The following UBE2L3 variants were observed in gnomAD, a reference collection of about 807,000 sequenced individuals.
UBE2L3 encodes the protein ubiquitin-conjugating enzyme E2 L3.
Under a neutral mutation model 17.8 loss-of-function variants are expected in UBE2L3, and 1 was observed. The observed-to-expected ratio is 0.06, with a 90% confidence interval of 0.02 to 0.27. The LOEUF is 0.27. Ranked by LOEUF, UBE2L3 falls within the 10% of genes least tolerant of loss-of-function variation. UBE2L3 has a pLI of 1.00. For missense variants in UBE2L3, 40 were observed against 192.6 expected, an observed-to-expected ratio of 0.21 and a Z score of 4.69; for synonymous variants, 44 against 68.5, an observed-to-expected ratio of 0.64 and a Z score of 1.76.
upstream of UBE2L3, among the ~76,000 whole-genome samples, chr22:21,563,103 A>G (rs972327935): frequency 1.3e-5 from 2 of 151,600 alleles, no homozygotes; most frequent in Non-Finnish European, 2.9e-5. Context: ...TTAGCTGGGC[A>G]TAGAGGTGTG....
upstream of UBE2L3, among the ~76,000 whole-genome samples, chr22:21,563,173 C>T (rs190892488): frequency 5.9e-3 from 866 of 146,428 alleles, 17 homozygotes; most frequent in Non-Finnish European, 5.3e-3. Context: ...ACCCAGGAGG[C>T]GGAGGTTGCA....
At chr22:21,603,075 CTT>C (rs915256680) in intron 2 of UBE2L3, among the ~76,000 whole-genome samples, 7 of 152,186 alleles carry the variant, frequency 4.6e-5, no homozygotes, top group African/African-American at 1.4e-4. Context: ...ACTTGAGAAA[CTT>C]TGGTCAAATT....
intron 3 of UBE2L3, among the ~76,000 whole-genome samples, chr22:21,612,408 C>T (rs1601439326): frequency 6.6e-6 from 1 of 152,226 alleles, no homozygotes; most frequent in East Asian, 1.9e-4. Context: ...TCACTGCAAC[C>T]TCCGCCTCCC....
upstream of UBE2L3, among the ~76,000 whole-genome samples, chr22:21,566,304 C>G (rs997524746): frequency 6.6e-6 from 1 of 152,016 alleles, no homozygotes; most frequent in African/African-American, 2.4e-5. Flanking sequence ...GCGTCTCAGC[C>G]CAGGTGTGGT....
intron 3 of UBE2L3, among the ~76,000 whole-genome samples, chr22:21,611,369 G>A (rs1261785896): frequency 1.3e-5 from 2 of 152,188 alleles, no homozygotes; most frequent in Non-Finnish European, 1.5e-5. Context: ...CTGTGGGGCT[G>A]CCTACAAGGG....
chr22:21,603,639 C>T (rs530052081), intron 2 of UBE2L3, among the ~76,000 whole-genome samples: 4 of 150,334 alleles, frequency 2.7e-5, no homozygotes, highest in East Asian at 2.0e-4. Flanking sequence ...GTCAGGAGAT[C>T]GAAACCATCC....
chr22:21,592,470 G>T (rs570487719), intron 1 of UBE2L3, among the ~76,000 whole-genome samples: 6 of 152,310 alleles, frequency 3.9e-5, no homozygotes, highest in African/African-American at 1.4e-4. Flanking sequence ...AATCTTGATT[G>T]GAAGGTATCA....
chr22:21,576,932 T>C (rs1461737988), intron 1 of UBE2L3, among the ~76,000 whole-genome samples: 1 of 149,352 alleles, frequency 6.7e-6, no homozygotes, highest in Non-Finnish European at 1.5e-5. Flanking sequence ...GCCTCCTGAG[T>C]AGCTGGAATT....
chr22:21,570,405 C>G (rs1233792946), intron 1 of UBE2L3, among the ~76,000 whole-genome samples: 3 of 152,180 alleles, frequency 2.0e-5, no homozygotes, highest in Admixed American at 6.5e-5. Context: ...TTTCAACACT[C>G]AAAGTTAGTG....
chr22:21,563,140 G>C (rs567957930), upstream of UBE2L3, among the ~76,000 whole-genome samples: 16 of 151,666 alleles, frequency 1.1e-4, no homozygotes, highest in South Asian at 3.1e-3. Flanking sequence ...TACTCGGGAG[G>C]CTGGGGCAGG....
chr22:21,575,677 CTG>C (rs1927247492), intron 1 of UBE2L3, among the ~76,000 whole-genome samples: 1 of 103,098 alleles, frequency 9.7e-6, no homozygotes, highest in Non-Finnish European at 1.8e-5. Flanking sequence ...GAGTCTCACT[CTG>C]TCACCCAGGC....
chr22:21,566,044 C>T (rs1047078226), upstream of UBE2L3, among the ~76,000 whole-genome samples: 4 of 148,584 alleles, frequency 2.7e-5, no homozygotes, highest in Non-Finnish European at 4.4e-5. Context: ...GCGGACTTGG[C>T]TCACTGCAAC....
At chr22:21,609,958 G>A (rs561120028) in intron 2 of UBE2L3, among the ~76,000 whole-genome samples, 24 of 152,242 alleles carry the variant, frequency 1.6e-4, no homozygotes, top group African/African-American at 5.1e-4. Flanking sequence ...CCCAGGAGGC[G>A]GAGGTTGCGG....
intron 1 of UBE2L3, among the ~76,000 whole-genome samples, chr22:21,572,494 C>T (rs1390173489): frequency 6.7e-6 from 1 of 150,276 alleles, no homozygotes; most frequent in African/African-American, 2.4e-5. Flanking sequence ...CTTTTCTGAT[C>T]TTGTTAAAAC....
intron 1 of UBE2L3, 22 bp downstream of exon 1, chr22:21,567,793 C>T: frequency 1.9e-6 from 3 of 1,575,010 alleles, no homozygotes; most frequent in African/African-American, 1.3e-5. Context: ...TCTCTGGCAG[C>T]GGCCGGGCGT....
At position 21,578,733 on chromosome 22, in the gene UBE2L3, C is replaced by T. The variant is rs988370286; in HGVS notation, c.27+10962C>T. On this transcript the variant is annotated intron_variant, in intron 1 of 3. Transcript: ENST00000342192. ...CTTACTGTGGAGGTTGTGGGCAGTG[C>T]GTTCCTCTAAGCCTCTGTTGAGTGT... Among the ~76,000 whole-genome samples the T allele has an allele frequency of 4.6e-5, 7 of 152,080 alleles. No individual in the cohort carries two copies. In the East Asian group the frequency reaches 7.7e-4, roughly 17 times the overall value.
intron 1 of UBE2L3, among the ~76,000 whole-genome samples, chr22:21,580,958 A>G (rs537867142): frequency 6.6e-6 from 1 of 151,498 alleles, no homozygotes; most frequent in South Asian, 2.1e-4. Flanking sequence ...AACTCATTAT[A>G]ACTCATTATA....
At chr22:21,558,865 G>T (rs1926332640) in intron 1 of UBE2L3, among the ~76,000 whole-genome samples, 1 of 152,090 alleles carries the variant, frequency 6.6e-6, no homozygotes, top group South Asian at 2.1e-4. Flanking sequence ...AACAGTGCCT[G>T]GCACATGATA....
chr22:21,567,445 G>A (rs1394441049), upstream of UBE2L3: 5 of 425,346 alleles, frequency 1.2e-5, no homozygotes, highest in Non-Finnish European at 1.6e-5. Context: ...TTACAGGCGT[G>A]AGCCCCCGCG....
Sources: allele counts gnomAD v4.1 joint callset (sites outside exome capture counted in the v4.1 genomes callset), GRCh38; gene constraint gnomAD v4.1.1; transcripts MANE v1.5; gene names NCBI Gene and HGNC (gene_info 2026-07-23, HGNC 2026-07-21).